ARID1B: variants seen among roughly 807,000 people sequenced by gnomAD.
ARID1B encodes AT-rich interactive domain-containing protein 1B.
A neutral mutation model predicts 212.3 loss-of-function variants in ARID1B; 30 were observed. The ratio of observed to expected loss-of-function variants is 0.14; its 90% CI spans 0.11 to 0.19. The LOEUF (loss-of-function observed/expected upper bound fraction) is 0.19. Among genes scored for constraint, ARID1B ranks in the 10% least tolerant of loss-of-function variants. The pLI is 1.00. For synonymous variants in ARID1B, 1,402 were observed against 1,301.7 expected (o/e 1.08, Z -1.66); for missense variants, 2,891 against 3,204.0 (o/e 0.90, Z 2.36).
chr6:157,189,532 T>A, intron 13 of ARID1B, 110 bp from the exon 14 acceptor site: 1 of 1,222,022 alleles, frequency 8.2e-7, no homozygotes, highest in Non-Finnish European at 1.1e-6. Flanking sequence ...TCTAATAAGA[T>A]GGTGTCTTAT....
intron 2 of ARID1B, among the ~76,000 whole-genome samples, chr6:156,899,830 G>C (rs1788778164): frequency 6.6e-6 from 1 of 152,206 alleles, no homozygotes; most frequent in South Asian, 2.1e-4. Context: ...TAGGGGAGTT[G>C]CTGGCTGTGT....
chr6:156,992,062 A>T lies in ARID1B; in HGVS notation c.2247+56486A>T, dbSNP rs116760844. On this transcript the variant is annotated intron_variant, in intron 4 of 19. Coordinates refer to ENST00000636930, the MANE Select transcript of ARID1B (RefSeq NM_001374828.1). ...AGACATAGGCATTATTTTACAGTTTACTTTTCTTTCCAGTAGAAATATTTT... is the reference window on the plus strand; with the variant it reads ...AGACATAGGCATTATTTTACAGTTTTCTTTTCTTTCCAGTAGAAATATTTT... 3.9e-5 allele frequency among the ~76,000 whole-genome samples: 6 copies of T among 152,316 alleles called. No individual in the cohort carries two copies. In the South Asian group the frequency reaches 8.3e-4, roughly 21 times the overall value.
At chr6:156,976,849 G>C (rs1777282507) in intron 4 of ARID1B, 1 of 580,746 alleles carries the variant, frequency 1.7e-6, no homozygotes, top group Non-Finnish European at 3.3e-6. Context: ...GATGATCACA[G>C]AGCTGGGAAA....
intron 15 of ARID1B, among the ~76,000 whole-genome samples, chr6:157,192,514 T>A (rs1055267625): frequency 5.9e-5 from 9 of 152,198 alleles, no homozygotes; most frequent in Non-Finnish European, 5.9e-5. Flanking sequence ...TTGAAAATAT[T>A]GGTAAGTTGA....
intron 2 of ARID1B, among the ~76,000 whole-genome samples, chr6:156,863,725 C>T (rs1785492777): frequency 6.6e-6 from 1 of 152,104 alleles, no homozygotes. Flanking sequence ...GTGAATACTC[C>T]AGTTCTGTGT....
chr6:156,910,344 A>G (rs569989620), intron 3 of ARID1B, among the ~76,000 whole-genome samples: 14 of 152,212 alleles, frequency 9.2e-5, no homozygotes, highest in African/African-American at 1.4e-4. Flanking sequence ...CAAGTTCAAG[A>G]CAGGTATTTC....
At chr6:156,851,449 T>G (rs1784575268) in intron 2 of ARID1B, among the ~76,000 whole-genome samples, 1 of 152,250 alleles carries the variant, frequency 6.6e-6, no homozygotes, top group Non-Finnish European at 1.5e-5. Context: ...TTCCCCCCAC[T>G]TTTGGACAGT....
chr6:156,899,634 TC>T (rs1165005191), intron 2 of ARID1B, among the ~76,000 whole-genome samples: 4 of 152,144 alleles, frequency 2.6e-5, no homozygotes, highest in Non-Finnish European at 5.9e-5. Context: ...CAGCCAAACT[TC>T]CTGGAGCTGG....
chr6:156,988,560 C>G (rs1778077140), intron 4 of ARID1B, among the ~76,000 whole-genome samples: 2 of 152,152 alleles, frequency 1.3e-5, no homozygotes, highest in Non-Finnish European at 1.5e-5. Flanking sequence ...AGTGAAAAGT[C>G]TTACTAGCAA....
At chr6:156,914,109 C>G (rs547304039) in intron 3 of ARID1B, among the ~76,000 whole-genome samples, 35 of 148,110 alleles carry the variant, frequency 2.4e-4, no homozygotes, top group Non-Finnish European at 4.3e-4. Flanking sequence ...AACTCCCAGC[C>G]CATGGTGCCC....
At chr6:157,123,557 G>A (rs544695565) in intron 6 of ARID1B, among the ~76,000 whole-genome samples, 14 of 152,336 alleles carry the variant, frequency 9.2e-5, no homozygotes, top group Admixed American at 3.9e-4. Context: ...GGGCAGCCTC[G>A]GAAGGCGTGC....
At chr6:156,998,282 G>A (rs1015124729) in intron 4 of ARID1B, among the ~76,000 whole-genome samples, 4 of 150,844 alleles carry the variant, frequency 2.7e-5, no homozygotes, top group Non-Finnish European at 5.9e-5. Context: ...GTGCAGTGGC[G>A]CGATCTTGGC....
Position 157,089,364 on chromosome 6 carries a change from A to G in ARID1B, c.2491+4459A>G, listed in dbSNP as rs1785141183. ...CCACCCACTGCAGATTTGCCCTCCT[A>G]TCTTGCTGCATCACAAACATTGTGA... On this transcript the variant is annotated intron_variant, in intron 5 of 19. Transcript: ENST00000636930. 2.6e-5 allele frequency among the ~76,000 whole-genome samples: 4 copies of G among 152,036 alleles called. No homozygotes were observed. The South Asian group carries it at 8.3e-4, about 32-fold the overall frequency.
chr6:157,180,925 T>C (rs2128316300), intron 11 of ARID1B, 44 bp from the exon 12 acceptor site: 2 of 1,556,424 alleles, frequency 1.3e-6, no homozygotes, highest in Non-Finnish European at 8.8e-7. Context: ...CCTCTCCCTC[T>C]GCCCACCCAT....
chr6:157,129,324 T>C (rs138218081), intron 6 of ARID1B, among the ~76,000 whole-genome samples: 1 of 152,332 alleles, frequency 6.6e-6, no homozygotes, highest in Non-Finnish European at 1.5e-5. Flanking sequence ...TCAGAGCTCA[T>C]GACGCAAACA....
chr6:156,806,459 T>G (rs1249432836), intron 1 of ARID1B, among the ~76,000 whole-genome samples: 2 of 152,196 alleles, frequency 1.3e-5, no homozygotes, highest in Non-Finnish European at 2.9e-5. Flanking sequence ...TTCACAGACT[T>G]TACTGTATCA....
intron 2 of ARID1B, among the ~76,000 whole-genome samples, chr6:156,874,497 C>CA (rs1456761054): frequency 6.6e-6 from 1 of 152,198 alleles, no homozygotes; most frequent in Non-Finnish European, 1.5e-5. Flanking sequence ...AGTTCAACAC[C>CA]AAGGCTCAAG....
At chr6:156,901,341 G>A (rs931813221) in intron 2 of ARID1B, 35 bp from the exon 3 acceptor site, 1 of 1,613,370 alleles carries the variant, frequency 6.2e-7, no homozygotes, top group African/African-American at 1.3e-5. Context: ...TGCACATTTT[G>A]ACTTTCTCAT....
At chr6:157,052,106 T>C (rs974052548) in intron 4 of ARID1B, among the ~76,000 whole-genome samples, 2 of 152,318 alleles carry the variant, frequency 1.3e-5, no homozygotes, top group East Asian at 3.9e-4. Context: ...TACCAAGTAA[T>C]GACGTAGGAA....
Sources: allele counts gnomAD v4.1 joint callset (sites outside exome capture counted in the v4.1 genomes callset), GRCh38; gene constraint gnomAD v4.1.1; transcripts MANE v1.5; gene names NCBI Gene and HGNC (gene_info 2026-07-23, HGNC 2026-07-21).